The following KNDC1 variants were observed in gnomAD, a reference collection of about 807,000 sequenced individuals.
KNDC1 encodes kinase non-catalytic C-lobe domain-containing protein 1.
KNDC1 carries 106 observed loss-of-function variants against 172.8 expected under a neutral mutation model. The ratio of observed to expected loss-of-function variants is 0.61; its 90% CI spans 0.52 to 0.72. The LOEUF is 0.72. Among genes scored for constraint, KNDC1 ranks in the 30% least tolerant of loss-of-function variants. KNDC1 has a pLI of 0.00. For synonymous variants in KNDC1, 1,083 were observed against 1,062.2 expected, an observed-to-expected ratio of 1.02 and a Z score of -0.38; for missense variants, 2,325 against 2,394.5, an observed-to-expected ratio of 0.97 and a Z score of 0.61.
Position 133,219,070 on chromosome 10 carries a change from G to C in KNDC1, c.4840G>C (p.Glu1614Gln). 6.2e-7 allele frequency: 1 copy of C among 1,613,980 alleles called. No homozygotes were observed. The highest frequency in any genetic ancestry group is 8.5e-7 in the Non-Finnish European group (1 of 1,179,964). ...ILPAKIAEVM[E>Q]ELKAVEVFLK... ...GCCTGCAAAGATAGCAGAGGTCATG[G>C]AGGAGCTGAAAGCCGTGGAGGTACC... The change falls in exon 28 of 30, where the codon GAG becomes CAG. Residue 1614 changes from glutamate to glutamine, a missense_variant. By Grantham distance (29) the Glu-to-Gln change is conservative. Coordinates refer to ENST00000304613, the MANE Select transcript of KNDC1 (RefSeq NM_152643.8).
Position 133,198,510 on chromosome 10 carries a change from TC to T in KNDC1, c.2069+15del, listed in dbSNP as rs778143241. 6.3e-7 allele frequency: 1 copy of T among 1,595,202 alleles called. No individual in the cohort carries two copies. Among genetic ancestry groups the T allele is most frequent in the Non-Finnish European group, 8.6e-7 (1 of 1,167,548 alleles). Reference sequence around the variant, plus strand: ...CGCAAGTGTGGCCAGGTGAGCATCGTCCCCACACCCCGGAGCTGCTGGGTCC... The same window carrying T: ...CGCAAGTGTGGCCAGGTGAGCATCGTCCCACACCCCGGAGCTGCTGGGTCC... On this transcript the variant is annotated intron_variant, in intron 13 of 29. Coordinates refer to ENST00000304613, the MANE Select transcript of KNDC1 (RefSeq NM_152643.8).
At chr10:133,202,738 G>A (rs1466942929) in intron 17 of KNDC1, 1 of 449,034 alleles carries the variant, frequency 2.2e-6, no homozygotes, top group East Asian at 7.0e-5. Context: ...TGTCCCTTCA[G>A]GGCAGGTGAG....
chr10:133,165,889 A>T (rs906997480), intron 1 of KNDC1, among the ~76,000 whole-genome samples: 35 of 149,504 alleles, frequency 2.3e-4, no homozygotes, highest in Non-Finnish European at 1.7e-4. Context: ...TTCCCGCCAT[A>T]GAAAGAGCTG....
Position 133,209,292 on chromosome 10 carries a change from T to C in KNDC1, c.3795-1319T>C, listed in dbSNP as rs1041842758. Among the ~76,000 whole-genome samples, 1 of 149,104 alleles carries C rather than the reference T, an allele frequency of 6.7e-6. No homozygotes were observed. Among genetic ancestry groups the C allele is most frequent in the African/African-American group, 2.5e-5 (1 of 40,218 alleles). Reference sequence around the variant, plus strand: ...TGTGTGTGTGGTGTGTGGAGTATAGTGTGTGTGGTGTGGGGTACAGTGTGT... The same window carrying C: ...TGTGTGTGTGGTGTGTGGAGTATAGCGTGTGTGGTGTGGGGTACAGTGTGT... On this transcript the variant is annotated intron_variant, in intron 20 of 29. Coordinates refer to ENST00000304613, the MANE Select transcript of KNDC1 (RefSeq NM_152643.8). The surrounding 1 kb of genome is among the most constrained non-coding windows in gnomAD (Gnocchi z 4.9).
At chr10:133,221,595 C>T (rs1056040223) in intron 29 of KNDC1, among the ~76,000 whole-genome samples, 1 of 152,244 alleles carries the variant, frequency 6.6e-6, no homozygotes, top group Non-Finnish European at 1.5e-5. Flanking sequence ...GCTCCACCCT[C>T]CCCCACGGTA....
At chr10:133,219,293 C>T (rs890854439) in intron 28 of KNDC1, among the ~76,000 whole-genome samples, 2 of 152,232 alleles carry the variant, frequency 1.3e-5, no homozygotes, top group African/African-American at 2.4e-5. Context: ...CCCACCTGCT[C>T]GGTCCCGGGG....
At position 133,183,464 on chromosome 10, in the gene KNDC1, G is replaced by C; in HGVS notation, c.481G>C (p.Asp161His). Residue 161 changes from aspartate (D) to histidine (H), a missense_variant, in exon 4 of 30, where the codon GAC becomes CAC. Transcript: ENST00000304613. Reference protein sequence around the residue: ...EALLSRMQAEDPGDRPDLESI... With the variant: ...EALLSRMQAEHPGDRPDLESI... ...GCTGCTGAGCCGGATGCAGGCGGAG[G>C]ACCCCGGGGACCGGCCGGACCTTGA... The C allele has an allele frequency of 6.2e-7, 1 of 1,604,826 alleles. No homozygotes were observed. Among genetic ancestry groups the C allele is most frequent in the East Asian group, 2.2e-5 (1 of 44,620 alleles).
rs1367457115 is a variant in KNDC1, at chr10:133,160,501, T to C, written c.34T>C (p.Tyr12His). Residue 12 changes from tyrosine (Y) to histidine (H), a missense_variant, in exon 1 of 30, where the codon TAC (tyrosine) becomes CAC (histidine). Physicochemically the swap from Tyr to His is moderately conservative, Grantham distance 83. Coordinates refer to ENST00000304613, the MANE Select transcript of KNDC1 (RefSeq NM_152643.8). ...QAMDPAAADL[Y>H]EEDGKDLDFY... is the part of the protein sequence containing the mutation. ...CATGGACCCGGCCGCGGCGGATCTT[T>C]ACGAGGAGGACGGCAAAGACCTGGA... The C allele has an allele frequency of 2.5e-5, 39 of 1,590,404 alleles. No individual in the cohort carries two copies. The highest frequency in any genetic ancestry group is 3.3e-5 in the Non-Finnish European group (39 of 1,170,280).
intron 17 of KNDC1, chr10:133,202,267 C>T: frequency 1.8e-6 from 1 of 555,502 alleles, no homozygotes; most frequent in Non-Finnish European, 3.4e-6. Context: ...CTTGGGCAGC[C>T]TCGCTCTGCA....
In KNDC1 at chr10:133,189,813, G is replaced by C; in HGVS notation, c.1575G>C (p.Lys525Asn). The C allele has an allele frequency of 6.2e-7, 1 of 1,612,988 alleles. No homozygotes were observed. The highest frequency in any genetic ancestry group is 8.5e-7 in the Non-Finnish European group (1 of 1,179,758). The change falls in exon 9 of 30, where the codon AAG (lysine) becomes AAC (asparagine). Residue 525 changes from lysine (K) to asparagine (N), a missense_variant and splice_region_variant. Physicochemically the swap from Lys to Asn is moderately conservative, Grantham distance 94. Coordinates refer to ENST00000304613, the MANE Select transcript of KNDC1 (RefSeq NM_152643.8). ...ELAEERLVTE[K>N]ASVYCVAAVL... ...CAGAGGAGAGGCTGGTAACTGAAAAGGTACCCGGGCCCTCCCCACCCTGCC... is the reference window on the plus strand; with the variant it reads ...CAGAGGAGAGGCTGGTAACTGAAAACGTACCCGGGCCCTCCCCACCCTGCC...
At position 133,160,527 on chromosome 10, in the gene KNDC1, C is replaced by A; in HGVS notation, c.60C>A (p.Asp20Glu). 1 of 1,588,786 alleles carries A rather than the reference C, an allele frequency of 6.3e-7. No homozygotes were observed. The highest frequency in any genetic ancestry group is 1.1e-5 in the South Asian group (1 of 87,536). Residue 20 changes from aspartate (D) to glutamate (E), a missense_variant, in exon 1 of 30, where the codon GAC (aspartate) becomes GAA (glutamate). Transcript: ENST00000304613. The part of the protein sequence containing the change: ...DLYEEDGKDL[D>E]FYDFEPLPTL... ...ACGAGGAGGACGGCAAAGACCTGGA[C>A]TTCTACGACTTCGAGCCGCTGCCCA...
Position 133,225,333 on chromosome 10 carries a change from G to A in KNDC1, c.*443G>A, listed in dbSNP as rs1845698555. ...GCAGGTTTCTGAGCCAGCCTGGGTT[G>A]GCTGAGCAACGAAGGGCCAAAGCTG... On this transcript the variant is annotated 3_prime_UTR_variant, in exon 30 of 30. Coordinates refer to ENST00000304613, the MANE Select transcript of KNDC1 (RefSeq NM_152643.8). 1 of 199,806 alleles carries A rather than the reference G, an allele frequency of 5.0e-6. No homozygotes were observed. Among genetic ancestry groups the A allele is most frequent in the Non-Finnish European group, 1.0e-5 (1 of 97,576 alleles). The allele number at this position is 199,806 out of a possible 1,614,324, so 12.4% of individuals were successfully genotyped here.
chr10:133,195,941 G>C, intron 10 of KNDC1, 120 bp downstream of exon 10: 1 of 1,039,948 alleles, frequency 9.6e-7, no homozygotes, highest in South Asian at 1.8e-5. Context: ...GAGGCCACCA[G>C]GTCTGTTTCT....
rs1162780981 is a variant in KNDC1 at position 133,171,192 on chromosome 10, T to C, written c.360+2880T>C. 3.3e-5 allele frequency among the ~76,000 whole-genome samples: 5 copies of C among 152,224 alleles called. No homozygotes were observed. In the East Asian group the frequency reaches 9.6e-4, roughly 29 times the overall value. ...TAACGTTGTAAAGTTTTGCTGTAGG[T>C]GTCTTAGATATAGTTTATTAGATTT... On this transcript the variant is annotated intron_variant, in intron 3 of 29. Transcript: ENST00000304613.
At chr10:133,207,001 G>C in intron 19 of KNDC1, 48 bp downstream of exon 19, 1 of 1,574,028 alleles carries the variant, frequency 6.4e-7, no homozygotes, top group Non-Finnish European at 8.7e-7. Context: ...AGTAGCTTCA[G>C]ACGGGCCTCC....
chr10:133,178,877 C>G (rs1032712480), intron 3 of KNDC1: 4 of 152,196 alleles, frequency 2.6e-5, no homozygotes, highest in African/African-American at 9.7e-5. Flanking sequence ...CCACAGTAGT[C>G]CTCACCTTGG....
At chr10:133,205,602 C>T (rs116920767) in intron 17 of KNDC1, among the ~76,000 whole-genome samples, 3,332 of 152,330 alleles carry the variant, frequency 0.022, 43 homozygotes, top group Middle Eastern at 0.034. Context: ...AGTGGGTTCC[C>T]GGGAGGAGGG....
intron 3 of KNDC1, among the ~76,000 whole-genome samples, chr10:133,177,177 T>TAG (rs1853559696): frequency 9.7e-6 from 1 of 102,630 alleles, no homozygotes; most frequent in Non-Finnish European, 2.4e-5. Context: ...GTATACAGTA[T>TAG]AGTGTGTCAT....
At chr10:133,211,150 G>T (rs1845354581) in intron 21 of KNDC1, among the ~76,000 whole-genome samples, 2 of 152,060 alleles carry the variant, frequency 1.3e-5, no homozygotes, top group Non-Finnish European at 2.9e-5. Context: ...GCTGAGGGGG[G>T]AGGGGCTCTG....
Sources: gnomAD v4.1 joint callset for allele counts (sites outside exome capture counted in the v4.1 genomes callset) on GRCh38, gnomAD v4.1.1 for gene constraint, Gnocchi (gnomAD v3.1) non-coding constraint, MANE v1.5 for transcripts, NCBI Gene and HGNC (gene_info 2026-07-23, HGNC 2026-07-21) for gene names.